The following TRIQK variants were observed in gnomAD, a reference collection of about 807,000 sequenced individuals.
The protein encoded by TRIQK is triple QxxK/R motif containing, also known as triple QxxK/R motif-containing protein.
Under a neutral mutation model 10.8 loss-of-function variants are expected in TRIQK, and 10 were observed. The ratio of observed to expected loss-of-function variants is 0.92; its 90% CI spans 0.57 to 1.57. TRIQK has a LOEUF of 1.57. TRIQK is among the 40% of genes most tolerant of loss of function. The pLI, the probability that TRIQK is intolerant of heterozygous loss-of-function variation, is 0.00. For synonymous variants in TRIQK, 33 were observed against 33.7 expected, an observed-to-expected ratio of 0.98 and a Z score of 0.07; for missense variants, 107 against 97.7, an observed-to-expected ratio of 1.09 and a Z score of -0.40.
intron 1 of TRIQK, among the ~76,000 whole-genome samples, chr8:92,992,384 G>A (rs1813104652): frequency 6.6e-6 from 1 of 152,190 alleles, no homozygotes. Context: ...CCTTGTACTA[G>A]TAACAAACAA....
At chr8:92,889,976 T>C (rs1816677769) in intron 4 of TRIQK, among the ~76,000 whole-genome samples, 1 of 151,792 alleles carries the variant, frequency 6.6e-6, no homozygotes, top group African/African-American at 2.4e-5. Flanking sequence ...AGTAAAGTGA[T>C]AAGATATCAC....
chr8:92,986,009 T>C (rs1813027628), intron 1 of TRIQK, among the ~76,000 whole-genome samples: 1 of 152,190 alleles, frequency 6.6e-6, no homozygotes, highest in Admixed American at 6.5e-5. Flanking sequence ...TAGCACATTT[T>C]TCCCTATATA....
Position 92,925,967 on chromosome 8 carries a change from C to A in TRIQK, c.-21-8957G>T, listed in dbSNP as rs956159012. Among the ~76,000 whole-genome samples, 5 of 152,184 alleles carry A rather than the reference C, an allele frequency of 3.3e-5. No individual in the cohort carries two copies. The East Asian group carries it at 9.7e-4, about 29-fold the overall frequency. The stretch of plus-strand genomic sequence containing the variant: ...TGGTGGCGGGTGCCTGTGGTCCCAG[C>A]TACTAGGGAGGCTGAGGCAGGAGAA... On this transcript the variant is annotated intron_variant, in intron 2 of 4. Transcript: ENST00000521988.
At chr8:92,897,607 C>G (rs192702569) in intron 3 of TRIQK, among the ~76,000 whole-genome samples, 1 of 152,242 alleles carries the variant, frequency 6.6e-6, no homozygotes, top group Admixed American at 6.5e-5. Flanking sequence ...CTTTGACTTT[C>G]CAGACTCCAG....
In TRIQK at chr8:93,005,037, T is replaced by A. The variant is rs183035498; in HGVS notation, c.-181+12572A>T. ...ACCATTACCCAGTTCCAAAGTCACTTCCACATTTTCAGATATCTTTATAGC... is the reference window on the plus strand; with the variant it reads ...ACCATTACCCAGTTCCAAAGTCACTACCACATTTTCAGATATCTTTATAGC... On this transcript the variant is annotated intron_variant, in intron 1 of 4. Coordinates refer to the TRIQK transcript ENST00000520686. Among the ~76,000 whole-genome samples, 863 of 152,000 alleles carry A rather than the reference T, an allele frequency of 5.7e-3. 4 individuals are homozygous for A. Among genetic ancestry groups the A allele is most frequent in the Non-Finnish European group, 0.01 (698 of 68,016 alleles).
chr8:93,016,405 A>G (rs1174070375), intron 1 of TRIQK, among the ~76,000 whole-genome samples: 1 of 152,200 alleles, frequency 6.6e-6, no homozygotes, highest in Admixed American at 6.5e-5. Context: ...GGAATATAAG[A>G]TGCACATTTG....
At chr8:93,008,047 C>A (rs562718769) in intron 1 of TRIQK, among the ~76,000 whole-genome samples, 2 of 152,254 alleles carry the variant, frequency 1.3e-5, no homozygotes, top group African/African-American at 2.4e-5. Flanking sequence ...AACAGAAAAC[C>A]AAATACTGCA....
chr8:92,952,090 A>AC (rs1245443943), intron 2 of TRIQK, among the ~76,000 whole-genome samples: 2 of 152,082 alleles, frequency 1.3e-5, no homozygotes, highest in Non-Finnish European at 2.9e-5. Context: ...GAAAAAAAAA[A>AC]ACACAATTTG....
chr8:92,957,119 G>C (rs974483561), intron 1 of TRIQK, among the ~76,000 whole-genome samples: 1 of 151,774 alleles, frequency 6.6e-6, no homozygotes, highest in Non-Finnish European at 1.5e-5. Flanking sequence ...TGATTATAGA[G>C]CTTACTCTCT....
chr8:92,895,720 T>C (rs532991482), intron 3 of TRIQK, among the ~76,000 whole-genome samples: 2 of 152,230 alleles, frequency 1.3e-5, no homozygotes, highest in East Asian at 3.9e-4. Flanking sequence ...ATACTTTATA[T>C]GGAAGACAGA....
At chr8:92,967,034 G>C (rs1048785873), upstream of TRIQK, among the ~76,000 whole-genome samples, 1 of 145,080 alleles carries the variant, frequency 6.9e-6, no homozygotes, top group Non-Finnish European at 1.5e-5. Flanking sequence ...TAACCAGAAG[G>C]CTTTCTGAAA....
chr8:93,000,126 A>G (rs1232003577), intron 1 of TRIQK, among the ~76,000 whole-genome samples: 1 of 152,232 alleles, frequency 6.6e-6, no homozygotes, highest in African/African-American at 2.4e-5. Context: ...AATATGAAAC[A>G]GGTAGTTAAA....
chr8:92,940,772 A>C (rs1427435224), intron 2 of TRIQK, among the ~76,000 whole-genome samples: 1 of 152,196 alleles, frequency 6.6e-6, no homozygotes, highest in South Asian at 2.1e-4. Context: ...CTCTAGGCCA[A>C]AAGAACCTAA....
intron 1 of TRIQK, among the ~76,000 whole-genome samples, chr8:92,998,241 T>C (rs951078125): frequency 6.6e-6 from 1 of 152,012 alleles, no homozygotes; most frequent in African/African-American, 2.4e-5. Context: ...AAATATTAAA[T>C]ATTTAGCTTA....
intron 1 of TRIQK, among the ~76,000 whole-genome samples, chr8:93,017,136 A>T (rs1388973015): frequency 2.0e-5 from 2 of 102,516 alleles, no homozygotes; most frequent in African/African-American, 5.8e-5. Flanking sequence ...AGAGAGAGAG[A>T]GAGAGAGAGA....
chr8:92,951,713 T>C (rs931228192), intron 2 of TRIQK, among the ~76,000 whole-genome samples: 1 of 152,198 alleles, frequency 6.6e-6, no homozygotes, highest in South Asian at 2.1e-4. Context: ...CTGTCATTCT[T>C]AACAAGATCT....
At chr8:92,921,286 G>C (rs1330732938) in intron 2 of TRIQK, 1 of 151,400 alleles carries the variant, frequency 6.6e-6, no homozygotes, top group Non-Finnish European at 1.5e-5. Context: ...CTATTGGGGA[G>C]ACAGAAAAAA....
chr8:92,963,893 CA>C (rs750395280), intron 1 of TRIQK: 1,682 of 99,298 alleles, frequency 0.017, 13 homozygotes, highest in Middle Eastern at 0.076. Flanking sequence ...AACTCCGTCT[CA>C]AAAAAAAAAA....
At chr8:92,904,756 A>G (rs1586392768) in intron 3 of TRIQK, among the ~76,000 whole-genome samples, 2 of 152,180 alleles carry the variant, frequency 1.3e-5, no homozygotes, top group East Asian at 3.9e-4. Context: ...GTATATCACA[A>G]TGACAATGAT....
Sources: allele counts gnomAD v4.1 joint callset (sites outside exome capture counted in the v4.1 genomes callset), GRCh38; gene constraint gnomAD v4.1.1; transcripts MANE v1.5; gene names NCBI Gene and HGNC (gene_info 2026-07-23, HGNC 2026-07-21).